PDE4D: variants seen among roughly 807,000 people sequenced by gnomAD.
The protein encoded by PDE4D is phosphodiesterase 4D.
In PDE4D, 24 loss-of-function variants were observed where a neutral mutation model predicts 87.4. That is an observed-to-expected ratio of 0.27 (90% confidence interval 0.20 to 0.39). The LOEUF (loss-of-function observed/expected upper bound fraction) is 0.39. PDE4D is among the 10% of genes least tolerant of loss of function. The pLI, the probability that PDE4D is intolerant of heterozygous loss-of-function variation, is 1.00. For missense variants in PDE4D, 714 were observed against 1,041.0 expected (o/e 0.69, Z 4.32); for synonymous variants, 384 against 383.2 (o/e 1.00, Z -0.02).
At position 59,635,957 on chromosome 5, in the gene PDE4D, G is replaced by A. The variant is rs541665666; in HGVS notation, c.455+257211C>T. On this transcript the variant is annotated intron_variant, in intron 1 of 14. Transcript: ENST00000340635. Reference sequence around the variant, plus strand: ...AGGATGTTAAATTATCTCTCTTTGCGGATGACATGACTGTATATTTAGAAA... The same window carrying A: ...AGGATGTTAAATTATCTCTCTTTGCAGATGACATGACTGTATATTTAGAAA... Among the ~76,000 whole-genome samples, 23 of 152,132 alleles carry A rather than the reference G, an allele frequency of 1.5e-4. No individual in the cohort carries two copies. The South Asian group carries it at 2.3e-3, about 15-fold the overall frequency.
intron 1 of PDE4D, among the ~76,000 whole-genome samples, chr5:59,678,909 T>G (rs1168476151): frequency 6.6e-6 from 1 of 152,212 alleles, no homozygotes; most frequent in Non-Finnish European, 1.5e-5. Flanking sequence ...CATGGAGTGT[T>G]ACCATTGTAA....
At chr5:59,800,610 TC>T (rs1453767028) in intron 1 of PDE4D, among the ~76,000 whole-genome samples, 3 of 141,010 alleles carry the variant, frequency 2.1e-5, no homozygotes, top group Non-Finnish European at 4.6e-5. Context: ...CCTCTTCCCC[TC>T]CCCACCCCTA....
intron 1 of PDE4D, among the ~76,000 whole-genome samples, chr5:59,437,581 T>A (rs1796961701): frequency 6.6e-6 from 1 of 152,188 alleles, no homozygotes; most frequent in South Asian, 2.1e-4. Flanking sequence ...AGGCTCTATA[T>A]TTGGTTGCCA....
At chr5:59,454,553 A>T (rs971412293) in intron 1 of PDE4D, among the ~76,000 whole-genome samples, 3 of 152,238 alleles carry the variant, frequency 2.0e-5, no homozygotes, top group Non-Finnish European at 4.4e-5. Flanking sequence ...CCCCAGTCTC[A>T]GGTATGTCTT....
chr5:60,090,929 C>G (rs190295776), intron 2 of PDE4D, among the ~76,000 whole-genome samples: 10 of 152,082 alleles, frequency 6.6e-5, no homozygotes, highest in African/African-American at 2.2e-4. Context: ...ATTTACAATA[C>G]TTACACACAC....
intron 3 of PDE4D, among the ~76,000 whole-genome samples, chr5:59,192,556 A>G (rs920023713): frequency 6.6e-6 from 1 of 152,232 alleles, no homozygotes; most frequent in African/African-American, 2.4e-5. Flanking sequence ...GAGGACCCAG[A>G]AAATTTAAGT....
At chr5:59,186,144 C>T (rs1163898518) in intron 3 of PDE4D, among the ~76,000 whole-genome samples, 3 of 152,176 alleles carry the variant, frequency 2.0e-5, no homozygotes, top group Non-Finnish European at 4.4e-5. Flanking sequence ...ATTTGGGTGA[C>T]AGCTAGAGTG....
In PDE4D at chr5:59,586,292, T is replaced by G. The variant is rs370362204; in HGVS notation, c.455+306876A>C. The G allele has an allele frequency of 4.9e-4, 714 of 1,465,582 alleles. 1 individual carries two copies. The highest frequency in any genetic ancestry group is 6.2e-4 in the Non-Finnish European group (651 of 1,046,194). 90.8% of individuals were successfully genotyped at this position (1,465,582 alleles called of 1,614,324 possible). A position where few individuals can be genotyped will look rare whatever the true frequency, so the allele number is the denominator to read the frequency against. On this transcript the variant is annotated intron_variant, in intron 1 of 14. Transcript: ENST00000340635. ...TACCTGTCACGGAATTTGATAATTC[T>G]GAGTTTTACAAACTGAAGGGAATAT...
chr5:60,110,191 A>G (rs1777529883), intron 2 of PDE4D, among the ~76,000 whole-genome samples: 1 of 152,104 alleles, frequency 6.6e-6, no homozygotes, highest in African/African-American at 2.4e-5. Context: ...TAAACTAAAA[A>G]GTTTCTGTAC....
At chr5:59,577,276 C>A (rs1471463780) in intron 1 of PDE4D, among the ~76,000 whole-genome samples, 1 of 152,008 alleles carries the variant, frequency 6.6e-6, no homozygotes. Context: ...AAAAAGGCTG[C>A]CATTTAAAGT....
At chr5:59,924,390 C>G (rs537884842) in intron 3 of PDE4D, among the ~76,000 whole-genome samples, 9 of 152,160 alleles carry the variant, frequency 5.9e-5, no homozygotes, top group Middle Eastern at 3.4e-3. Context: ...GGTTATAGAA[C>G]ACCAAGCAGA....
intron 1 of PDE4D, among the ~76,000 whole-genome samples, chr5:59,324,172 A>C (rs1383180837): frequency 6.6e-6 from 1 of 152,196 alleles, no homozygotes; most frequent in Non-Finnish European, 1.5e-5. Context: ...TTGCTCAAGC[A>C]AGCATGGCCA....
At chr5:59,462,294 G>T (rs968323525) in intron 1 of PDE4D, among the ~76,000 whole-genome samples, 2 of 151,752 alleles carry the variant, frequency 1.3e-5, no homozygotes, top group African/African-American at 4.8e-5. Context: ...CTATTTCCTT[G>T]GATTCTACCA....
chr5:59,776,199 T>C (rs1179055291), intron 1 of PDE4D, among the ~76,000 whole-genome samples: 2 of 152,194 alleles, frequency 1.3e-5, no homozygotes, highest in Non-Finnish European at 2.9e-5. Flanking sequence ...AAACCAGAGT[T>C]GTATTCCCCA....
intron 1 of PDE4D, among the ~76,000 whole-genome samples, chr5:60,454,448 A>G (rs981157964): frequency 6.6e-6 from 1 of 152,214 alleles, no homozygotes; most frequent in Non-Finnish European, 1.5e-5. Flanking sequence ...GTACATATAT[A>G]CCATGGAATA....
intron 1 of PDE4D, among the ~76,000 whole-genome samples, chr5:59,245,851 A>G (rs1175755390): frequency 6.6e-6 from 1 of 152,070 alleles, no homozygotes; most frequent in East Asian, 1.9e-4. Flanking sequence ...TCCCAGGCAC[A>G]TTGTAAAAAT....
intron 1 of PDE4D, chr5:60,487,824 G>A (rs760034721): frequency 1.3e-5 from 2 of 152,162 alleles, no homozygotes; most frequent in African/African-American, 2.4e-5. Flanking sequence ...GATACACATA[G>A]TATAGCACCT....
chr5:60,185,294 G>A (rs1784694243), intron 2 of PDE4D, among the ~76,000 whole-genome samples: 1 of 152,064 alleles, frequency 6.6e-6, no homozygotes, highest in Non-Finnish European at 1.5e-5. Flanking sequence ...AAAAATTAGA[G>A]TGTTCAACAT....
At chr5:59,591,874 T>C (rs1825968651) in intron 1 of PDE4D, among the ~76,000 whole-genome samples, 1 of 152,166 alleles carries the variant, frequency 6.6e-6, no homozygotes, top group Admixed American at 6.5e-5. Context: ...TACTGTCACC[T>C]GGATATCTTG....
Sources: allele counts gnomAD v4.1 joint callset (sites outside exome capture counted in the v4.1 genomes callset), GRCh38; gene constraint gnomAD v4.1.1; transcripts MANE v1.5; gene names NCBI Gene and HGNC (gene_info 2026-07-23, HGNC 2026-07-21).